The following RARB variants were observed in gnomAD, a reference collection of about 807,000 sequenced individuals.
The protein encoded by RARB is retinoic acid receptor beta, also known as HBV-activated protein.
A neutral mutation model predicts 51.9 loss-of-function variants in RARB; 17 were observed. That is an observed-to-expected ratio of 0.33 (90% CI 0.22 to 0.49). The LOEUF is 0.49. Ranked by LOEUF, RARB falls within the 20% of genes least tolerant of loss-of-function variation. The pLI is 0.99. For missense variants in RARB, 369 were observed against 550.8 expected (o/e 0.67, Z 3.30); for synonymous variants, 215 against 195.4 (o/e 1.10, Z -0.84).
intron 5 of RARB, among the ~76,000 whole-genome samples, chr3:25,215,482 A>G (rs1362929411): frequency 6.6e-6 from 1 of 152,112 alleles, no homozygotes; most frequent in Non-Finnish European, 1.5e-5. Flanking sequence ...AATATGGACA[A>G]GAGAGAGAGT....
At chr3:25,497,290 C>T (rs544044267) in intron 2 of RARB, among the ~76,000 whole-genome samples, 1 of 152,112 alleles carries the variant, frequency 6.6e-6, no homozygotes. Context: ...AGAGGTGTTA[C>T]GATGACTCAG....
At chr3:25,433,742 C>T (rs763426828) in intron 1 of RARB, among the ~76,000 whole-genome samples, 7 of 152,184 alleles carry the variant, frequency 4.6e-5, no homozygotes, top group Non-Finnish European at 7.4e-5. Context: ...TCTAATAACA[C>T]AACCTCATCA....
At chr3:25,577,525 A>T (rs1429653932) in intron 4 of RARB, among the ~76,000 whole-genome samples, 1 of 152,180 alleles carries the variant, frequency 6.6e-6, no homozygotes, top group Non-Finnish European at 1.5e-5. Flanking sequence ...CCATGGATAT[A>T]CCCAACATTG....
intron 5 of RARB, among the ~76,000 whole-genome samples, chr3:25,243,289 A>T (rs777808150): frequency 4.2e-4 from 64 of 152,194 alleles, no homozygotes; most frequent in Non-Finnish European, 7.6e-4. Context: ...TCCTGTTTGA[A>T]TACCCTTTAT....
chr3:25,485,565 A>C (rs987514459), intron 2 of RARB, among the ~76,000 whole-genome samples: 2 of 152,062 alleles, frequency 1.3e-5, no homozygotes, highest in African/African-American at 4.8e-5. Flanking sequence ...TCAGACTTGG[A>C]AAAATGTGTT....
chr3:25,208,029 A>T (rs543881825), intron 5 of RARB, among the ~76,000 whole-genome samples: 2 of 149,960 alleles, frequency 1.3e-5, no homozygotes, highest in African/African-American at 4.9e-5. Context: ...CAAGGGGGGG[A>T]GCAAATTGGG....
intron 2 of RARB, among the ~76,000 whole-genome samples, chr3:24,870,095 C>G (rs1027787413): frequency 1.3e-5 from 2 of 152,014 alleles, no homozygotes; most frequent in African/African-American, 4.8e-5. Flanking sequence ...CTTTGTATAT[C>G]CTGGAGACTA....
chr3:24,981,849 A>G (rs1226658381), intron 2 of RARB, among the ~76,000 whole-genome samples: 1 of 152,160 alleles, frequency 6.6e-6, no homozygotes. Context: ...AAATGCAGAA[A>G]TCACCCATCC....
intron 2 of RARB, among the ~76,000 whole-genome samples, chr3:25,486,748 T>C (rs1043658002): frequency 6.6e-6 from 1 of 152,220 alleles, no homozygotes; most frequent in Admixed American, 6.5e-5. Flanking sequence ...CATTCTGATA[T>C]ATCCAGCACA....
At chr3:25,551,768 A>G (rs189411636) in intron 3 of RARB, among the ~76,000 whole-genome samples, 21 of 152,292 alleles carry the variant, frequency 1.4e-4, no homozygotes, top group Non-Finnish European at 2.6e-4. Flanking sequence ...AATTCTTTAG[A>G]TGGGCTGCCA....
At chr3:25,066,488 C>A (rs555592071) in intron 3 of RARB, among the ~76,000 whole-genome samples, 43 of 152,244 alleles carry the variant, frequency 2.8e-4, no homozygotes, top group Non-Finnish European at 5.0e-4. Context: ...GCAGTATGGG[C>A]AAATCCAGGA....
At chr3:25,174,618 G>T in intron 5 of RARB, 1 of 1,340,256 alleles carries the variant, frequency 7.5e-7, no homozygotes, top group Non-Finnish European at 9.9e-7. Flanking sequence ...TGGGTTGATT[G>T]GATGAAGGGA....
At chr3:25,165,420 A>T (rs1041100114) in intron 4 of RARB, among the ~76,000 whole-genome samples, 8 of 152,206 alleles carry the variant, frequency 5.3e-5, no homozygotes, top group African/African-American at 1.9e-4. Flanking sequence ...CTCTGATAGG[A>T]TAGATGGGTC....
chr3:25,086,887 T>C (rs1203839915), intron 3 of RARB, among the ~76,000 whole-genome samples: 1 of 152,132 alleles, frequency 6.6e-6, no homozygotes, highest in Non-Finnish European at 1.5e-5. Flanking sequence ...TCAGAGAGAA[T>C]AGATTGTGAA....
At chr3:25,529,434 A>T (rs1698801130) in intron 3 of RARB, among the ~76,000 whole-genome samples, 2 of 152,204 alleles carry the variant, frequency 1.3e-5, no homozygotes, top group Admixed American at 6.5e-5. Context: ...CAACAGAAGC[A>T]TCTGTCTCTG....
chr3:25,083,524 G>T (rs1360340773), intron 3 of RARB, among the ~76,000 whole-genome samples: 1 of 151,834 alleles, frequency 6.6e-6, no homozygotes, highest in Non-Finnish European at 1.5e-5. Flanking sequence ...GTTGGGGTTT[G>T]CCATTTGTTA....
At chr3:25,199,396 CAG>C (rs1575213408) in intron 5 of RARB, among the ~76,000 whole-genome samples, 1 of 151,982 alleles carries the variant, frequency 6.6e-6, no homozygotes, top group East Asian at 1.9e-4. Context: ...GACAGCAAAA[CAG>C]AGCGATTACA....
At chr3:25,181,783 T>C (rs1267810851) in intron 5 of RARB, among the ~76,000 whole-genome samples, 1 of 152,188 alleles carries the variant, frequency 6.6e-6, no homozygotes, top group Non-Finnish European at 1.5e-5. Flanking sequence ...AGTAGGTTGA[T>C]CTTTGTTCTG....
intron 5 of RARB, among the ~76,000 whole-genome samples, chr3:25,360,647 A>G (rs1329595828): frequency 6.6e-6 from 1 of 152,114 alleles, no homozygotes; most frequent in Non-Finnish European, 1.5e-5. Context: ...TGCTTCCTTC[A>G]GGAGCTCTTG....
Sources: allele counts gnomAD v4.1 joint callset (sites outside exome capture counted in the v4.1 genomes callset), GRCh38; gene constraint gnomAD v4.1.1; transcripts MANE v1.5; gene names NCBI Gene and HGNC (gene_info 2026-07-23, HGNC 2026-07-21).